The following CNN3 variants were observed in gnomAD, a reference collection of about 807,000 sequenced individuals.
CNN3 encodes calponin 3, also known as calponin-3.
A neutral mutation model predicts 39.0 loss-of-function variants in CNN3; 11 were observed. That is an observed-to-expected ratio of 0.28 (90% CI 0.18 to 0.47). CNN3 has a LOEUF of 0.47. Ranked by LOEUF, CNN3 falls within the 20% of genes least tolerant of loss-of-function variation. The pLI, the probability that CNN3 is intolerant of heterozygous loss-of-function variation, is 0.99. For synonymous variants in CNN3, 101 were observed against 138.3 expected (o/e 0.73, Z 1.89); for missense variants, 266 against 403.4 (o/e 0.66, Z 2.92).
At chr1:94,905,363 C>G (rs755322391) in intron 1 of CNN3, among the ~76,000 whole-genome samples, 32 of 152,200 alleles carry the variant, frequency 2.1e-4, no homozygotes, top group Non-Finnish European at 4.7e-4. Flanking sequence ...AGGTCCCCCT[C>G]TTGAAGGCTC....
chr1:94,901,659 CA>C lies in CNN3; in HGVS notation c.501+9del, dbSNP rs760281438. The C allele has an allele frequency of 6.4e-7, 1 of 1,564,334 alleles. No homozygotes were observed. The highest frequency in any genetic ancestry group is 1.4e-5 in the African/African-American group (1 of 73,818). On this transcript the variant is annotated intron_variant, in intron 5 of 6. Coordinates refer to ENST00000370206, the MANE Select transcript of CNN3 (RefSeq NM_001839.5). Reference sequence around the variant, plus strand: ...ATAAGTAATTGAATAAGCAACACCACATTACTTACCTGCAGACCAATTACAC... The same window carrying C: ...ATAAGTAATTGAATAAGCAACACCACTTACTTACCTGCAGACCAATTACAC...
rs1046628859 is a variant in CNN3, at chr1:94,904,182, CAT to C, written c.58-660_58-659del. Among the ~76,000 whole-genome samples the C allele has an allele frequency of 2.9e-4, 44 of 152,082 alleles. 1 individual carries two copies. Among genetic ancestry groups the C allele is most frequent in the African/African-American group, 1.2e-4 (5 of 41,400 alleles). Reference sequence around the variant, plus strand: ...TCTAGAATTGAACCTGACACCCAAACATGTGATAAAACTAAAAGAAAGTTTAA... The same window carrying C: ...TCTAGAATTGAACCTGACACCCAAACGTGATAAAACTAAAAGAAAGTTTAA... On this transcript the variant is annotated intron_variant, in intron 1 of 6. Coordinates refer to ENST00000370206, the MANE Select transcript of CNN3 (RefSeq NM_001839.5).
intron 1 of CNN3, among the ~76,000 whole-genome samples, chr1:94,913,452 A>G (rs1223690335): frequency 6.6e-6 from 1 of 152,202 alleles, no homozygotes; most frequent in Non-Finnish European, 1.5e-5. Context: ...TCTGTTGGTT[A>G]AAACAGGAGG....
chr1:94,902,026 C>T, intron 4 of CNN3, 95 bp downstream of exon 4: 2 of 1,104,824 alleles, frequency 1.8e-6, no homozygotes, highest in Non-Finnish European at 2.7e-6. Flanking sequence ...CAGGCCCCGC[C>T]CCACCTGGTC....
intron 3 of CNN3, 102 bp downstream of exon 3, chr1:94,903,018 TAA>T (rs372027375): frequency 1.8e-3 from 1,100 of 616,790 alleles, no homozygotes; most frequent in South Asian, 3.5e-3. Context: ...ATCAAAAAGT[TAA>T]AAAAAAAAAA....
At chr1:94,923,301 G>C (rs763512685) in intron 1 of CNN3, among the ~76,000 whole-genome samples, 1 of 152,102 alleles carries the variant, frequency 6.6e-6, no homozygotes, top group Non-Finnish European at 1.5e-5. Flanking sequence ...TCAACCTGTA[G>C]AATACCTGTA....
intron 1 of CNN3, among the ~76,000 whole-genome samples, chr1:94,905,357 C>G (rs1670969390): frequency 6.6e-6 from 1 of 152,154 alleles, no homozygotes; most frequent in African/African-American, 2.4e-5. Flanking sequence ...CATTCCAGGT[C>G]CCCCTCTTGA....
intron 1 of CNN3, among the ~76,000 whole-genome samples, chr1:94,923,189 C>T (rs1477615979): frequency 6.6e-6 from 1 of 152,236 alleles, no homozygotes; most frequent in East Asian, 1.9e-4. Context: ...CCAGGAAATA[C>T]TGTGCTTCCC....
chr1:94,920,642 T>C (rs1671418680), intron 1 of CNN3, among the ~76,000 whole-genome samples: 1 of 152,180 alleles, frequency 6.6e-6, no homozygotes, highest in Non-Finnish European at 1.5e-5. Context: ...GTTAAGTCAC[T>C]TGCCAAAGTT....
chr1:94,927,056 A>C lies in CNN3; in HGVS notation c.-162T>G, dbSNP rs1671609397. The C allele has an allele frequency of 1.6e-6, 1 of 636,706 alleles. No individual in the cohort carries two copies. Among genetic ancestry groups the C allele is most frequent in the Non-Finnish European group, 2.7e-6 (1 of 376,588 alleles). 39.4% of individuals were successfully genotyped at this position (636,706 alleles called of 1,614,324 possible). ...GCGGGGCGCGGGCGGTGCCTGGGCGACTGGGTCCAACTGGGTGCTACAGAG... is the reference window on the plus strand; with the variant it reads ...GCGGGGCGCGGGCGGTGCCTGGGCGCCTGGGTCCAACTGGGTGCTACAGAG... On this transcript the variant is annotated 5_prime_UTR_variant, in exon 1 of 7. Transcript: ENST00000370206.
chr1:94,914,696 G>A (rs1293985751), intron 1 of CNN3, among the ~76,000 whole-genome samples: 1 of 152,226 alleles, frequency 6.6e-6, no homozygotes, highest in Non-Finnish European at 1.5e-5. Flanking sequence ...CTACAATGGA[G>A]TCTGTCCATT....
rs767862618 is a variant in CNN3 at position 94,901,686 on chromosome 1, T to C, written c.484A>G (p.Ser162Gly). 10 of 1,613,136 alleles carry C rather than the reference T, an allele frequency of 6.2e-6. No individual in the cohort carries two copies. The East Asian group carries it at 2.2e-4, about 36-fold the overall frequency. ...TTACTTACCTGCAGACCAATTACACTTTGGCCAGCTTTTAATTTTCCTTCA... is the reference window on the plus strand; with the variant it reads ...TTACTTACCTGCAGACCAATTACACCTTGGCCAGCTTTTAATTTTCCTTCA... ...FDEGKLKAGQ[S>G]VIGLQMGTNK... is the part of the protein sequence containing the mutation. The change falls in exon 5 of 7, where the codon AGT becomes GGT. Residue 162 changes from serine (S) to glycine (G), a missense_variant. Ser to Gly is a moderately conservative substitution (Grantham distance 56, BLOSUM62 0). Coordinates refer to ENST00000370206, the MANE Select transcript of CNN3 (RefSeq NM_001839.5).
At chr1:94,908,982 A>G (rs1671090440) in intron 1 of CNN3, among the ~76,000 whole-genome samples, 1 of 120,072 alleles carries the variant, frequency 8.3e-6, no homozygotes, top group African/African-American at 3.6e-5. Flanking sequence ...GTCTCTTTAA[A>G]AAAAAAAAAA....
intron 1 of CNN3, among the ~76,000 whole-genome samples, chr1:94,920,319 A>G (rs1671410458): frequency 6.6e-6 from 1 of 152,212 alleles, no homozygotes; most frequent in African/African-American, 2.4e-5. Context: ...GAAACACAGT[A>G]GTACTGCTTG....
At chr1:94,920,338 T>A (rs537495174) in intron 1 of CNN3, among the ~76,000 whole-genome samples, 6 of 152,188 alleles carry the variant, frequency 3.9e-5, no homozygotes, top group Non-Finnish European at 7.4e-5. Flanking sequence ...TGGTGTCATG[T>A]CCCCTATCCA....
intron 1 of CNN3, among the ~76,000 whole-genome samples, chr1:94,912,327 A>G (rs1671185590): frequency 6.6e-6 from 1 of 152,144 alleles, no homozygotes. Flanking sequence ...ACAAGTAACA[A>G]AAAAGTGGGT....
intron 1 of CNN3, among the ~76,000 whole-genome samples, chr1:94,915,134 C>A (rs1671250682): frequency 6.6e-6 from 1 of 152,074 alleles, no homozygotes; most frequent in Admixed American, 6.6e-5. Context: ...TCATACTGTG[C>A]CTTATGAAAT....
Position 94,897,752 on chromosome 1 carries a change from ATGCCT to A in CNN3, c.975_979del (p.Gln325HisfsTer2). ...TCCTTCTGTGTGGATCTAATAATCA[ATGCCT>A]TGGTCGCTATATTGGTAATCTCTGG... is the stretch of plus-strand genomic sequence containing the variant. On this transcript the variant is annotated frameshift_variant, in exon 7 of 7. Coordinates refer to ENST00000370206, the MANE Select transcript of CNN3 (RefSeq NM_001839.5). LOFTEE classifies it high-confidence loss of function. 2.5e-6 allele frequency: 4 copies of A among 1,613,108 alleles called. No individual in the cohort carries two copies. Among genetic ancestry groups the A allele is most frequent in the Non-Finnish European group, 3.4e-6 (4 of 1,179,196 alleles).
At chr1:94,904,132 A>G (rs892740675) in intron 1 of CNN3, among the ~76,000 whole-genome samples, 3 of 152,216 alleles carry the variant, frequency 2.0e-5, no homozygotes. Context: ...CAGGAAAAGC[A>G]TCTAGTTCAT....
Sources: allele counts gnomAD v4.1 joint callset (sites outside exome capture counted in the v4.1 genomes callset), GRCh38; gene constraint gnomAD v4.1.1; transcripts MANE v1.5; gene names NCBI Gene and HGNC (gene_info 2026-07-23, HGNC 2026-07-21).